LAMA5: variants seen among roughly 807,000 people sequenced by gnomAD.
LAMA5 encodes laminin subunit alpha 5.
In LAMA5, 260 loss-of-function variants were observed where a neutral mutation model predicts 433.4. The observed-to-expected ratio is 0.60, with a 90% CI of 0.54 to 0.66. The LOEUF (loss-of-function observed/expected upper bound fraction) is 0.66, where lower values mean the gene tolerates loss of function less well. LAMA5 is among the 30% of genes least tolerant of loss of function. The probability of loss-of-function intolerance (pLI) is 0.00; values close to 1 mark genes in which losing one functional copy is unlikely to be tolerated. For missense variants in LAMA5, 5,378 were observed against 5,258.5 expected (o/e 1.02, Z -0.70); for synonymous variants, 2,620 against 2,226.6 (o/e 1.18, Z -4.97).
rs370341824 is a variant in LAMA5 at position 62,314,776 on chromosome 20, C to T, written c.8196+23G>A. 8.1e-6 allele frequency: 13 copies of T among 1,612,744 alleles called. No homozygotes were observed. In the African/African-American group the frequency reaches 1.3e-4, roughly 17 times the overall value. ...CACCACCACCCTCCCTGATGTCCACCTTCCCCTGGGACTCTCACCCACCTT... is the reference window on the plus strand; with the variant it reads ...CACCACCACCCTCCCTGATGTCCACTTTCCCCTGGGACTCTCACCCACCTT... On this transcript the variant is annotated intron_variant, in intron 60 of 79. Coordinates refer to ENST00000252999, the MANE Select transcript of LAMA5 (RefSeq NM_005560.6).
rs977039470 is a variant in LAMA5 at position 62,324,981 on chromosome 20, G to A, written c.5529+335C>T. ...CAGACACACAGTGGGCGAGGGATGG[G>A]CAGAATGACAGGCAGACGCCAGGAT... On this transcript the variant is annotated intron_variant, in intron 41 of 79. Coordinates refer to ENST00000252999, the MANE Select transcript of LAMA5 (RefSeq NM_005560.6). This position sits in a 1 kb window ranked among gnomAD's most constrained non-coding sequence, Gnocchi z 4.4. The A allele has an allele frequency of 3.9e-5, 16 of 412,208 alleles. No individual in the cohort carries two copies. The highest frequency in any genetic ancestry group is 1.8e-4 in the African/African-American group (9 of 50,286). The allele number at this position is 412,208 out of a possible 1,614,324, so 25.5% of individuals were successfully genotyped here. A position where few individuals can be genotyped will look rare whatever the true frequency, so the allele number is the denominator to read the frequency against.
intron 2 of LAMA5, among the ~76,000 whole-genome samples, chr20:62,355,843 A>G (rs1985131766): frequency 2.6e-5 from 4 of 151,858 alleles, no homozygotes; most frequent in African/African-American, 9.7e-5. Flanking sequence ...CTAGAGGTGG[A>G]CAGGGGCAGG....
chr20:62,334,246 G>C lies in LAMA5; in HGVS notation c.2679C>G (p.Phe893Leu). Residue 893 changes from phenylalanine to leucine, a missense_variant, in exon 22 of 80, where the codon TTC (phenylalanine) becomes TTG (leucine). Transcript: ENST00000252999. The stretch of plus-strand genomic sequence containing the variant: ...TGAAGTTCTCGAACTCGAGGGGGTT[G>C]AAGCCAAAGCGCACGGCGTGACCCT... Reference protein sequence around the residue: ...TPEGHAVRFGFNPLEFENFSW... With the variant: ...TPEGHAVRFGLNPLEFENFSW... 1 of 1,612,924 alleles carries C rather than the reference G, an allele frequency of 6.2e-7. No homozygotes were observed. The highest frequency in any genetic ancestry group is 8.5e-7 in the Non-Finnish European group (1 of 1,179,874).
Position 62,317,761 on chromosome 20 carries a change from C to A in LAMA5, c.7257G>T (p.Leu2419=), listed in dbSNP as rs964316432. 4 of 1,601,968 alleles carry A rather than the reference C, an allele frequency of 2.5e-6. No homozygotes were observed. The highest frequency in any genetic ancestry group is 3.4e-6 in the Non-Finnish European group (4 of 1,175,394). The part of the protein sequence containing the change: ...LEEALQRKQE[L]SRDNATLQAT... Reference sequence around the variant, plus strand: ...CCTGCAGGGTGGCATTGTCCCGGGACAGCTCCTGCTTCCTTTGCTGAAGGC... The same window carrying A: ...CCTGCAGGGTGGCATTGTCCCGGGAAAGCTCCTGCTTCCTTTGCTGAAGGC... The change falls in exon 54 of 80, where the codon CTG becomes CTT. Residue 2419 remains leucine (L), a synonymous_variant. Transcript: ENST00000252999.
rs759093752 is a variant in LAMA5, at chr20:62,323,789, C to A, written c.5836G>T (p.Ala1946Ser). Residue 1946 changes from alanine (A) to serine (S), a missense_variant, in exon 44 of 80, where the codon GCC (alanine) becomes TCC (serine). By Grantham distance (99) the Ala-to-Ser change is moderately conservative (BLOSUM62 1). Coordinates refer to ENST00000252999, the MANE Select transcript of LAMA5 (RefSeq NM_005560.6). The part of the protein sequence containing the change: ...QCLCKPGYAG[A>S]SCERCAPGFF... ...GCCCCAGCTCACCGCTCGCAGGAGG[C>A]ACCTGCATAACCAGGTTTGCAGAGG... The A allele has an allele frequency of 1.2e-6, 2 of 1,610,450 alleles. No individual in the cohort carries two copies. Among genetic ancestry groups the A allele is most frequent in the Admixed American group, 1.7e-5 (1 of 59,876 alleles).
chr20:62,319,622 C>A, intron 51 of LAMA5, 62 bp downstream of exon 51: 3 of 1,257,730 alleles, frequency 2.4e-6, no homozygotes, highest in Admixed American at 2.1e-5. Context: ...CAGGCACCCC[C>A]ACCCCTACCC....
chr20:62,322,325 G>A lies in LAMA5; in HGVS notation c.6290C>T (p.Pro2097Leu). 1 of 1,598,994 alleles carries A rather than the reference G, an allele frequency of 6.3e-7. No homozygotes were observed. The highest frequency in any genetic ancestry group is 8.5e-7 in the Non-Finnish European group (1 of 1,174,654). The stretch of plus-strand genomic sequence containing the variant: ...GCCAGGGGCACACTCGCGGCACTGG[G>A]GTCCCATGGTCCCTGGTCGGCAGTG... ...QCHCRPGTMG[P>L]QCRECAPGYW... is the part of the protein sequence containing the mutation. Residue 2097 changes from proline to leucine, a missense_variant, in exon 47 of 80, where the codon CCC becomes CTC. Transcript: ENST00000252999.
chr20:62,325,582 C>G (rs761638876), intron 40 of LAMA5, 36 bp from the exon 41 acceptor site: 3 of 1,411,452 alleles, frequency 2.1e-6, no homozygotes, highest in Non-Finnish European at 3.0e-6. Context: ...TGGGGCCACA[C>G]TCAATGGGAC....
In LAMA5 at chr20:62,367,201, G is replaced by C; in HGVS notation, c.45C>G (p.Gly15=). 8.2e-7 allele frequency: 1 copy of C among 1,220,358 alleles called. No homozygotes were observed. The highest frequency in any genetic ancestry group is 1.0e-6 in the Non-Finnish European group (1 of 982,144). The allele number at this position is 1,220,358 out of a possible 1,614,324, so 75.6% of individuals were successfully genotyped here. A position where few individuals can be genotyped will look rare whatever the true frequency, so the allele number is the denominator to read the frequency against. ...LCAGSALCVR[G]PRGPAPLLLV... ...GCAGCAGCGGCGCGGGGCCCCGGGG[G>C]CCGCGAACACACAGTGCGCTCCCCG... The change falls in exon 1 of 80, where the codon GGC becomes GGG. Residue 15 remains glycine (G), a synonymous_variant. Transcript: ENST00000252999.
chr20:62,324,028 T>G lies in LAMA5; in HGVS notation c.5768+52A>C. ...AGTGGGAACCCACCCCGCTGCTGGG[T>G]GAAGGGAGCCTGGCACCATCAGGGC... On this transcript the variant is annotated intron_variant, in intron 43 of 79. Coordinates refer to ENST00000252999, the MANE Select transcript of LAMA5 (RefSeq NM_005560.6). This position sits in a 1 kb window ranked among gnomAD's most constrained non-coding sequence, Gnocchi z 4.4. 6.8e-7 allele frequency: 1 copy of G among 1,462,170 alleles called. No homozygotes were observed. Among genetic ancestry groups the G allele is most frequent in the South Asian group, 1.5e-5 (1 of 68,560 alleles). The allele number at this position is 1,462,170 out of a possible 1,614,324, so 90.6% of individuals were successfully genotyped here.
Position 62,353,198 on chromosome 20 carries a change from G to A in LAMA5, c.504C>T (p.Asp168=). The A allele has an allele frequency of 6.3e-7, 1 of 1,587,632 alleles. No individual in the cohort carries two copies. The highest frequency in any genetic ancestry group is 8.6e-7 in the Non-Finnish European group (1 of 1,167,708). ...LIKFANSPRP[D]LWVLERSMDF... The stretch of plus-strand genomic sequence containing the variant: ...CCATGGACCGCTCCAGCACCCAGAG[G>A]TCCGGCCGGGGTGAGTTGGCAAACT... Residue 168 remains aspartate (D), a synonymous_variant, in exon 3 of 80, where the codon GAC becomes GAT. Coordinates refer to ENST00000252999, the MANE Select transcript of LAMA5 (RefSeq NM_005560.6).
Position 62,309,167 on chromosome 20 carries a change from T to A in LAMA5, c.*169A>T. On this transcript the variant is annotated 3_prime_UTR_variant, in exon 80 of 80. Transcript: ENST00000252999. ...GTGGAAGGGCCAAATATAAAAACAT[T>A]TTGCAGTATTTTATTCTTTCGTTTA... The A allele has an allele frequency of 1.4e-6, 1 of 690,540 alleles. No homozygotes were observed. The highest frequency in any genetic ancestry group is 2.3e-6 in the Non-Finnish European group (1 of 442,604). The allele number at this position is 690,540 out of a possible 1,614,324, so 42.8% of individuals were successfully genotyped here. A position where few individuals can be genotyped will look rare whatever the true frequency, so the allele number is the denominator to read the frequency against.
chr20:62,316,436 G>A (rs1215812500), intron 57 of LAMA5: 1 of 520,042 alleles, frequency 1.9e-6, no homozygotes, highest in Non-Finnish European at 3.4e-6. Context: ...TGGCTCAGCT[G>A]GTGCCTCAGT....
chr20:62,353,122 G>A lies in LAMA5; in HGVS notation c.568+12C>T. ...GCCTCTCCCCCCAGGCCCCACGGCG[G>A]CAGAGACTCACAGGCAAAGAACTGC... is the stretch of plus-strand genomic sequence containing the variant. On this transcript the variant is annotated intron_variant, in intron 3 of 79. Transcript: ENST00000252999. 1 of 1,555,172 alleles carries A rather than the reference G, an allele frequency of 6.4e-7. No homozygotes were observed. The highest frequency in any genetic ancestry group is 1.4e-5 in the African/African-American group (1 of 73,632).
chr20:62,340,577 C>T (rs935190761), intron 11 of LAMA5, among the ~76,000 whole-genome samples: 4 of 151,830 alleles, frequency 2.6e-5, no homozygotes, highest in African/African-American at 9.7e-5. Context: ...TCCCAAAGTG[C>T]TGGGATTACA....
rs781271277 is a variant in LAMA5, at chr20:62,346,806, G to A, written c.1073-6C>T. ...ATGGCCGTAGCAGTTACAGGCTAGA[G>A]AGAGGGGAGCGCAGCTGTTGGCACG... On this transcript the variant is annotated splice_polypyrimidine_tract_variant and splice_region_variant and intron_variant, in intron 7 of 79. Coordinates refer to ENST00000252999, the MANE Select transcript of LAMA5 (RefSeq NM_005560.6). 5.0e-6 allele frequency: 8 copies of A among 1,611,220 alleles called. No homozygotes were observed. In the East Asian group the frequency reaches 6.7e-5, roughly 13 times the overall value.
chr20:62,321,927 G>A, intron 48 of LAMA5, 92 bp downstream of exon 48: 2 of 1,293,972 alleles, frequency 1.5e-6, no homozygotes, highest in Non-Finnish European at 1.1e-6. Flanking sequence ...GACCACTCTG[G>A]GAGGTCGACG....
Position 62,312,777 on chromosome 20 carries a change from G to A in LAMA5, c.9082C>T (p.Gln3028Ter), listed in dbSNP as rs1188964987. ...PPLTSASKAI[Q>*]VFLLGGSRKR... ...CGGCTGCCCCCCAGCAGGAACACCTGGATCTACAGGACCAGTGGGGGCTCC... is the reference window on the plus strand; with the variant it reads ...CGGCTGCCCCCCAGCAGGAACACCTAGATCTACAGGACCAGTGGGGGCTCC... Residue 3028 changes from glutamine (Q) to a stop codon, truncating the protein, a stop_gained, in exon 67 of 80, where the codon CAG (glutamine) becomes TAG (stop). Coordinates refer to ENST00000252999, the MANE Select transcript of LAMA5 (RefSeq NM_005560.6). LOFTEE classifies it high-confidence loss of function. The A allele has an allele frequency of 3.1e-6, 5 of 1,591,356 alleles. No individual in the cohort carries two copies. The highest frequency in any genetic ancestry group is 3.4e-6 in the Non-Finnish European group (4 of 1,171,928).
chr20:62,334,121 C>T, intron 22 of LAMA5, 65 bp downstream of exon 22: 1 of 1,587,796 alleles, frequency 6.3e-7, no homozygotes, highest in Non-Finnish European at 8.6e-7. Context: ...CTGCCCACCC[C>T]TCCCTGCCAG....
Sources: allele counts gnomAD v4.1 joint callset (sites outside exome capture counted in the v4.1 genomes callset), GRCh38; gene constraint gnomAD v4.1.1; non-coding constraint Gnocchi (gnomAD v3.1); transcripts MANE v1.5; gene names NCBI Gene and HGNC (gene_info 2026-07-23, HGNC 2026-07-21).